Variants in RGS20 observed in about 807,000 individuals in gnomAD.
The protein encoded by RGS20 is gz-selective GTPase-activating protein.
RGS20 carries 30 observed loss-of-function variants against 33.6 expected under a neutral mutation model. The ratio of observed to expected loss-of-function variants is 0.89; its 90% CI spans 0.67 to 1.21. RGS20 has a LOEUF of 1.21. Among genes scored for constraint, RGS20 ranks in the 50% most tolerant of loss-of-function variants. RGS20 has a pLI of 0.00. For missense variants in RGS20, 472 were observed against 502.4 expected (o/e 0.94, Z 0.58); for synonymous variants, 208 against 197.9 (o/e 1.05, Z -0.43).
intron 1 of RGS20, among the ~76,000 whole-genome samples, chr8:53,859,207 A>G (rs1253186144): frequency 6.6e-6 from 1 of 152,212 alleles, no homozygotes; most frequent in East Asian, 1.9e-4. Flanking sequence ...CAAACGAACA[A>G]ACTTTTCATA....
intron 2 of RGS20, among the ~76,000 whole-genome samples, chr8:53,920,608 C>T (rs112982749): frequency 2.3e-4 from 35 of 152,052 alleles, no homozygotes; most frequent in South Asian, 6.2e-4. Context: ...TTTCTTATTT[C>T]TGATCTTAGA....
intron 3 of RGS20, among the ~76,000 whole-genome samples, chr8:53,945,028 C>T (rs60054082): frequency 0.027 from 4,062 of 152,240 alleles, 160 homozygotes; most frequent in African/African-American, 0.089. Context: ...GTGCAATTGC[C>T]TTGTAAAACA....
intron 2 of RGS20, among the ~76,000 whole-genome samples, chr8:53,892,576 A>C (rs1263172034): frequency 3.3e-5 from 5 of 152,228 alleles, no homozygotes; most frequent in Admixed American, 6.5e-5. Context: ...GAGTATTGGA[A>C]TGAAAGAGAA....
At chr8:53,939,796 C>CACCCCTGAAAGTGGT in intron 3 of RGS20, 72 bp downstream of exon 2, 2 of 1,463,806 alleles carry the variant, frequency 1.4e-6, no homozygotes, top group South Asian at 2.8e-5. Flanking sequence ...TGGGACGTGG[C>CACCCCTGAAAGTGGT]ACCCCTGAAA....
intron 2 of RGS20, among the ~76,000 whole-genome samples, chr8:53,881,316 G>A (rs1439935237): frequency 6.6e-6 from 1 of 152,054 alleles, no homozygotes; most frequent in Non-Finnish European, 1.5e-5. Flanking sequence ...CGCGCCACCA[G>A]GATCAATATG....
intron 2 of RGS20, among the ~76,000 whole-genome samples, chr8:53,933,880 G>C (rs1203791106): frequency 2.0e-5 from 3 of 152,202 alleles, no homozygotes; most frequent in African/African-American, 7.2e-5. Context: ...TACCCACAAA[G>C]GGAAGCCCAT....
At chr8:53,873,868 A>T (rs1812132114) in intron 1 of RGS20, among the ~76,000 whole-genome samples, 1 of 152,204 alleles carries the variant, frequency 6.6e-6, no homozygotes, top group Non-Finnish European at 1.5e-5. Flanking sequence ...TAGAGTAAGG[A>T]TTTTGGATTT....
chr8:53,853,122 T>C (rs1483230626), intron 1 of RGS20, among the ~76,000 whole-genome samples: 2 of 152,172 alleles, frequency 1.3e-5, no homozygotes, highest in South Asian at 2.1e-4. Flanking sequence ...CCTGAATTAA[T>C]GGACATCTTA....
intron 1 of RGS20, among the ~76,000 whole-genome samples, chr8:53,866,991 C>T (rs940949626): frequency 1.3e-5 from 2 of 152,174 alleles, no homozygotes; most frequent in South Asian, 2.1e-4. Flanking sequence ...TGAACCCAAA[C>T]GTAGGCTCGG....
chr8:53,896,825 C>T (rs759285818), intron 2 of RGS20, among the ~76,000 whole-genome samples: 3 of 152,174 alleles, frequency 2.0e-5, no homozygotes, highest in Non-Finnish European at 4.4e-5. Context: ...ATAATATGCA[C>T]AAAGGTTTTG....
In RGS20 at chr8:53,852,193, T is replaced by C. The variant is rs532687847; in HGVS notation, c.165+129T>C. ...TCTTAATGTTTTATCAAAAATGTTT[T>C]CAAACCATCCCCAAGGGAAATCTAG... On this transcript the variant is annotated intron_variant, in intron 1 of 5. Transcript: ENST00000297313. 136 of 883,460 alleles carry C rather than the reference T, an allele frequency of 1.5e-4. No individual in the cohort carries two copies. The Admixed American group carries it at 1.6e-3, about 10-fold the overall frequency. The allele number at this position is 883,460 out of a possible 1,614,324, so 54.7% of individuals were successfully genotyped here. A position where few individuals can be genotyped will look rare whatever the true frequency, so the allele number is the denominator to read the frequency against.
chr8:53,959,125 G>A lies in RGS20; in HGVS notation c.*667G>A, dbSNP rs1355219965. Reference sequence around the variant, plus strand: ...GCAGCAGTGCTTAGAAAATTCTTTTGTTGAAAAGAGTTACTGTTATTATCA... The same window carrying A: ...GCAGCAGTGCTTAGAAAATTCTTTTATTGAAAAGAGTTACTGTTATTATCA... On this transcript the variant is annotated 3_prime_UTR_variant, in exon 6 of 6. Coordinates refer to ENST00000297313, the MANE Select transcript of RGS20 (RefSeq NM_170587.4). The A allele has an allele frequency of 6.6e-6, 1 of 152,146 alleles. No homozygotes were observed. Among genetic ancestry groups the A allele is most frequent in the African/African-American group, 2.4e-5 (1 of 41,446 alleles). The allele number at this position is 152,146 out of a possible 1,614,324, so 9.4% of individuals were successfully genotyped here.
chr8:53,885,232 G>T (rs770494175), intron 2 of RGS20, among the ~76,000 whole-genome samples: 1 of 152,046 alleles, frequency 6.6e-6, no homozygotes, highest in Admixed American at 6.6e-5. Flanking sequence ...TTTTATTTCC[G>T]CATGTGGGCA....
At chr8:53,925,059 G>A (rs534153671) in intron 2 of RGS20, among the ~76,000 whole-genome samples, 3 of 152,202 alleles carry the variant, frequency 2.0e-5, no homozygotes, top group Admixed American at 2.0e-4. Context: ...CCATTACTTG[G>A]ACCTACAGCC....
At chr8:53,919,606 T>G (rs185694699) in intron 2 of RGS20, among the ~76,000 whole-genome samples, 1 of 151,738 alleles carries the variant, frequency 6.6e-6, no homozygotes, top group East Asian at 1.9e-4. Flanking sequence ...TTTTTTTTTT[T>G]TTGAGACAGT....
chr8:53,862,350 T>G (rs1393500283), intron 1 of RGS20, among the ~76,000 whole-genome samples: 1 of 152,156 alleles, frequency 6.6e-6, no homozygotes, highest in Non-Finnish European at 1.5e-5. Flanking sequence ...AGTAGTGTAA[T>G]TTGGACCATA....
intron 2 of RGS20, among the ~76,000 whole-genome samples, chr8:53,909,217 A>G (rs1362269049): frequency 0.013 from 953 of 72,664 alleles, 24 homozygotes; most frequent in African/African-American, 0.058. Context: ...GTGTATATAT[A>G]TATATATATA....
At chr8:53,923,630 G>GT (rs1365793421) in intron 2 of RGS20, among the ~76,000 whole-genome samples, 4 of 151,964 alleles carry the variant, frequency 2.6e-5, no homozygotes, top group Admixed American at 1.3e-4. Flanking sequence ...TTAAATGATT[G>GT]TTTTTTAATA....
chr8:53,921,552 T>C (rs892324094), intron 2 of RGS20, among the ~76,000 whole-genome samples: 1 of 152,030 alleles, frequency 6.6e-6, no homozygotes, highest in African/African-American at 2.4e-5. Flanking sequence ...TCCATTTAGA[T>C]TTTTTCTTCT....
Sources: allele counts gnomAD v4.1 joint callset (sites outside exome capture counted in the v4.1 genomes callset), GRCh38; gene constraint gnomAD v4.1.1; transcripts MANE v1.5; gene names NCBI Gene and HGNC (gene_info 2026-07-23, HGNC 2026-07-21).